Variants in PTPRO observed in about 807,000 individuals in gnomAD.
PTPRO encodes the protein receptor-type tyrosine-protein phosphatase O.
Under a neutral mutation model 145.2 loss-of-function variants are expected in PTPRO, and 62 were observed. The ratio of observed to expected loss-of-function variants is 0.43; its 90% CI spans 0.35 to 0.53. PTPRO has a LOEUF of 0.53. PTPRO is among the 20% of genes least tolerant of loss of function. The pLI, the probability that PTPRO is intolerant of heterozygous loss-of-function variation, is 0.01. For missense variants in PTPRO, 1,345 were observed against 1,482.7 expected, an observed-to-expected ratio of 0.91 and a Z score of 1.53; for synonymous variants, 565 against 514.7, an observed-to-expected ratio of 1.10 and a Z score of -1.32.
intron 1 of PTPRO, among the ~76,000 whole-genome samples, chr12:15,400,731 G>A (rs192600330): frequency 4.7e-4 from 72 of 152,198 alleles, no homozygotes; most frequent in African/African-American, 1.7e-3. Context: ...ATTTTACACT[G>A]GGTACTTTTC....
At chr12:15,551,263 A>G (rs1451990636) in intron 14 of PTPRO, among the ~76,000 whole-genome samples, 1 of 152,314 alleles carries the variant, frequency 6.6e-6, no homozygotes, top group African/African-American at 2.4e-5. Context: ...AAACTGTGGC[A>G]CAGGTATTCT....
intron 14 of PTPRO, among the ~76,000 whole-genome samples, chr12:15,550,961 C>A (rs1478648654): frequency 6.6e-6 from 1 of 152,182 alleles, no homozygotes; most frequent in Non-Finnish European, 1.5e-5. Context: ...GCCCTACAAC[C>A]TATTAATAGG....
At chr12:15,378,460 T>C (rs867186545) in intron 1 of PTPRO, among the ~76,000 whole-genome samples, 11 of 151,978 alleles carry the variant, frequency 7.2e-5, no homozygotes, top group Non-Finnish European at 1.5e-4. Context: ...AACCGATAAA[T>C]TTCTAGAAAA....
chr12:15,378,684 A>G (rs887542776), intron 1 of PTPRO, among the ~76,000 whole-genome samples: 2 of 152,150 alleles, frequency 1.3e-5, no homozygotes, highest in African/African-American at 4.8e-5. Flanking sequence ...CTAAGAGAAC[A>G]CTTTCTAAAT....
chr12:15,427,976 T>C (rs566630037), intron 1 of PTPRO, among the ~76,000 whole-genome samples: 1 of 152,262 alleles, frequency 6.6e-6, no homozygotes, highest in East Asian at 1.9e-4. Flanking sequence ...GAAGTATCGG[T>C]TTATCAATGT....
intron 3 of PTPRO, 37 bp downstream of exon 3, chr12:15,497,440 C>G: frequency 1.2e-6 from 2 of 1,600,388 alleles, no homozygotes; most frequent in Non-Finnish European, 1.7e-6. Context: ...AATGATGACC[C>G]TCACTTTTTA....
intron 12 of PTPRO, among the ~76,000 whole-genome samples, chr12:15,544,057 G>A (rs896868642): frequency 1.1e-4 from 17 of 152,316 alleles, no homozygotes; most frequent in Middle Eastern, 3.4e-3. Flanking sequence ...TTTAACATGA[G>A]TGAAATGGCA....
intron 1 of PTPRO, among the ~76,000 whole-genome samples, chr12:15,417,166 A>C (rs1046575486): frequency 6.6e-6 from 1 of 151,640 alleles, no homozygotes; most frequent in African/African-American, 2.4e-5. Context: ...AAAAAACAAT[A>C]CTACCTGTGC....
rs2136502454 is a variant in PTPRO at position 15,515,958 on chromosome 12, T to C, written c.1585+340T>C. Among the ~76,000 whole-genome samples, 2 of 151,280 alleles carry C rather than the reference T, an allele frequency of 1.3e-5. 1 individual carries two copies. Among genetic ancestry groups the C allele is most frequent in the South Asian group, 4.2e-4 (2 of 4,790 alleles). ...CTTGAGCCCAGAAGTTGTTTGTTTT[T>C]TTTGTTTTGTTTGTCTGGTTTTTTT... On this transcript the variant is annotated intron_variant, in intron 8 of 26. Transcript: ENST00000281171.
chr12:15,488,197 G>A (rs935754598), intron 2 of PTPRO, among the ~76,000 whole-genome samples: 1 of 152,140 alleles, frequency 6.6e-6, no homozygotes. Context: ...GAGAAAACAC[G>A]TATTGATTTC....
At chr12:15,382,508 C>T (rs1938894590) in intron 1 of PTPRO, among the ~76,000 whole-genome samples, 1 of 152,192 alleles carries the variant, frequency 6.6e-6, no homozygotes, top group Admixed American at 6.5e-5. Flanking sequence ...GAATTTCTGT[C>T]AGAATTGTCC....
intron 7 of PTPRO, among the ~76,000 whole-genome samples, chr12:15,509,374 GAAA>G (rs35896369): frequency 3.4e-5 from 5 of 145,942 alleles, no homozygotes; most frequent in African/African-American, 7.5e-5. Context: ...CATTCTTGCT[GAAA>G]AAAAAAAAAA....
chr12:15,431,718 C>T (rs2136342112), intron 1 of PTPRO, among the ~76,000 whole-genome samples: 1 of 152,178 alleles, frequency 6.6e-6, no homozygotes, highest in South Asian at 2.1e-4. Flanking sequence ...TTGGCTTTTA[C>T]TTTGGAAAAT....
intron 21 of PTPRO, among the ~76,000 whole-genome samples, chr12:15,580,410 C>T (rs887203305): frequency 1.3e-5 from 2 of 152,220 alleles, no homozygotes; most frequent in Admixed American, 1.3e-4. Flanking sequence ...GGGTTCCACC[C>T]TAGCACCTGC....
At chr12:15,436,043 A>G (rs1301327684) in intron 1 of PTPRO, among the ~76,000 whole-genome samples, 1 of 152,258 alleles carries the variant, frequency 6.6e-6, no homozygotes, top group African/African-American at 2.4e-5. Flanking sequence ...ACATAACGAA[A>G]TGAAGGCAGA....
intron 1 of PTPRO, among the ~76,000 whole-genome samples, chr12:15,458,253 T>A (rs913820326): frequency 5.1e-4 from 77 of 152,290 alleles, no homozygotes; most frequent in African/African-American, 1.8e-3. Context: ...CTGTATGTGA[T>A]AAGTCATTTT....
At chr12:15,595,134 C>T (rs889825466) in intron 26 of PTPRO, 77 bp downstream of exon 26, 1 of 903,758 alleles carries the variant, frequency 1.1e-6, no homozygotes, top group Admixed American at 1.9e-5. Context: ...GGACAAAAGA[C>T]AGCAGTAGCC....
chr12:15,372,391 A>G (rs1938557482), intron 1 of PTPRO, among the ~76,000 whole-genome samples: 2 of 152,154 alleles, frequency 1.3e-5, no homozygotes, highest in Non-Finnish European at 2.9e-5. Flanking sequence ...TTTCATCAAA[A>G]AGATCCCTAA....
At chr12:15,518,552 A>G (rs1037266439) in intron 9 of PTPRO, among the ~76,000 whole-genome samples, 4 of 152,210 alleles carry the variant, frequency 2.6e-5, no homozygotes, top group Non-Finnish European at 5.9e-5. Context: ...CACATTGTCA[A>G]GCTGCAAATT....
Sources: allele counts gnomAD v4.1 joint callset (sites outside exome capture counted in the v4.1 genomes callset), GRCh38; gene constraint gnomAD v4.1.1; transcripts MANE v1.5; gene names NCBI Gene and HGNC (gene_info 2026-07-23, HGNC 2026-07-21).